The following DCC variants were observed in gnomAD, a reference collection of about 807,000 sequenced individuals.
DCC encodes the protein DCC netrin 1 receptor.
In DCC, 58 loss-of-function variants were observed where a neutral mutation model predicts 172.5. The observed-to-expected ratio is 0.34, with a 90% CI of 0.27 to 0.42. DCC has a LOEUF of 0.42. Ranked by LOEUF, DCC falls within the 10% of genes least tolerant of loss-of-function variation. DCC has a pLI of 1.00. For synonymous variants in DCC, 709 were observed against 644.5 expected, an observed-to-expected ratio of 1.10 and a Z score of -1.52; for missense variants, 1,740 against 1,791.0, an observed-to-expected ratio of 0.97 and a Z score of 0.51.
At chr18:52,478,811 AT>A (rs1459200794) in intron 1 of DCC, among the ~76,000 whole-genome samples, 1 of 152,162 alleles carries the variant, frequency 6.6e-6, no homozygotes, top group Non-Finnish European at 1.5e-5. Flanking sequence ...TAAAGCACTC[AT>A]GAGAAATCCA....
intron 8 of DCC, among the ~76,000 whole-genome samples, chr18:53,173,032 C>A (rs1232354831): frequency 2.6e-5 from 4 of 152,026 alleles, no homozygotes; most frequent in Non-Finnish European, 5.9e-5. Context: ...TCTGCTAAAA[C>A]AAAAATAAGC....
At chr18:53,323,059 A>T (rs2057430521) in intron 14 of DCC, among the ~76,000 whole-genome samples, 1 of 152,118 alleles carries the variant, frequency 6.6e-6, no homozygotes, top group South Asian at 2.1e-4. Context: ...CTAACAATGA[A>T]ATTCTCTTAC....
chr18:53,207,537 CAAGGTAGGTTTTA>C (rs2055672487), intron 10 of DCC, 129 bp from the exon 11 acceptor site: 1 of 762,528 alleles, frequency 1.3e-6, no homozygotes, highest in Admixed American at 2.2e-5. Context: ...GTCTGTGTCA[CAAGGTAGGTTTTA>C]TAGCTCATTA....
intron 2 of DCC, among the ~76,000 whole-genome samples, chr18:52,757,809 ACCC>A (rs2037099312): frequency 6.6e-6 from 1 of 152,140 alleles, no homozygotes; most frequent in Non-Finnish European, 1.5e-5. Flanking sequence ...TGATTTAAGT[ACCC>A]AAATTGACAG....
intron 1 of DCC, among the ~76,000 whole-genome samples, chr18:52,610,603 C>T (rs1179149247): frequency 6.6e-6 from 1 of 151,358 alleles, no homozygotes; most frequent in Non-Finnish European, 1.5e-5. Context: ...TGACATGGAC[C>T]CCTCTACACA....
At chr18:52,631,331 G>A (rs1214027475) in intron 1 of DCC, among the ~76,000 whole-genome samples, 2 of 152,194 alleles carry the variant, frequency 1.3e-5, no homozygotes, top group Non-Finnish European at 1.5e-5. Context: ...AAAAAGCTTA[G>A]AGGAAAGATG....
chr18:53,187,313 G>A (rs557627141), intron 9 of DCC, among the ~76,000 whole-genome samples: 7 of 151,662 alleles, frequency 4.6e-5, no homozygotes, highest in Admixed American at 6.6e-5. Context: ...TAGTAGAGAC[G>A]GGGTTTCACT....
At chr18:52,987,890 A>G (rs961711797) in intron 5 of DCC, among the ~76,000 whole-genome samples, 1 of 152,326 alleles carries the variant, frequency 6.6e-6, no homozygotes, top group East Asian at 1.9e-4. Flanking sequence ...CCTTAACCTA[A>G]TGCATTTCAT....
intron 1 of DCC, among the ~76,000 whole-genome samples, chr18:52,617,879 A>C (rs190387886): frequency 1.3e-5 from 2 of 152,198 alleles, no homozygotes; most frequent in African/African-American, 4.8e-5. Context: ...CATTTTGAAA[A>C]GCTGCCTGCC....
chr18:52,926,920 T>TATATACACACAC (rs1165385203), intron 5 of DCC, among the ~76,000 whole-genome samples: 4 of 107,962 alleles, frequency 3.7e-5, no homozygotes, highest in Admixed American at 1.7e-4. Flanking sequence ...TACGTATACA[T>TATATACACACAC]ATATATGTAT....
At chr18:53,157,121 T>C (rs935124120) in intron 7 of DCC, among the ~76,000 whole-genome samples, 3 of 152,202 alleles carry the variant, frequency 2.0e-5, no homozygotes, top group Admixed American at 2.0e-4. Context: ...TAATAGAAAT[T>C]GGACATTTAA....
At chr18:52,501,890 T>C (rs1255324734) in intron 1 of DCC, among the ~76,000 whole-genome samples, 1 of 152,180 alleles carries the variant, frequency 6.6e-6, no homozygotes, top group Non-Finnish European at 1.5e-5. Context: ...GTGGGCAGTC[T>C]CTGGTATCCT....
At chr18:53,412,032 T>C (rs1259837102) in intron 20 of DCC, among the ~76,000 whole-genome samples, 1 of 152,260 alleles carries the variant, frequency 6.6e-6, no homozygotes, top group East Asian at 1.9e-4. Context: ...CCAAATGTGT[T>C]AAACAGCAGA....
intron 9 of DCC, among the ~76,000 whole-genome samples, chr18:53,181,651 T>A (rs555954449): frequency 1.1e-4 from 16 of 152,212 alleles, no homozygotes; most frequent in Non-Finnish European, 2.2e-4. Context: ...TTCATAAGTA[T>A]GTTTAATAAA....
chr18:52,628,300 T>C (rs765977431), intron 1 of DCC, among the ~76,000 whole-genome samples: 6 of 152,174 alleles, frequency 3.9e-5, no homozygotes, highest in Non-Finnish European at 8.8e-5. Flanking sequence ...TCAAACATAA[T>C]TATGACCATT....
At chr18:53,296,546 G>A (rs1234489613) in intron 12 of DCC, among the ~76,000 whole-genome samples, 2 of 152,170 alleles carry the variant, frequency 1.3e-5, no homozygotes, top group African/African-American at 4.8e-5. Flanking sequence ...AGATGGGTGT[G>A]AGCAGTGTGA....
chr18:52,980,416 G>T (rs1421466871), intron 5 of DCC, among the ~76,000 whole-genome samples: 1 of 151,970 alleles, frequency 6.6e-6, no homozygotes, highest in African/African-American at 2.4e-5. Flanking sequence ...TCAGGGTCCG[G>T]TTATCTAGAC....
chr18:52,637,761 A>G (rs894818678), intron 1 of DCC, among the ~76,000 whole-genome samples: 2 of 152,208 alleles, frequency 1.3e-5, no homozygotes, highest in African/African-American at 4.8e-5. Flanking sequence ...TAATAGAGGA[A>G]AACTTCCCCA....
At chr18:52,656,959 CTT>C (rs1050864992) in intron 1 of DCC, among the ~76,000 whole-genome samples, 3 of 152,066 alleles carry the variant, frequency 2.0e-5, no homozygotes, top group African/African-American at 7.2e-5. Flanking sequence ...TATTGTGACT[CTT>C]TTCTGGGGAG....
Sources: allele counts gnomAD v4.1 joint callset (sites outside exome capture counted in the v4.1 genomes callset), GRCh38; gene constraint gnomAD v4.1.1; transcripts MANE v1.5; gene names NCBI Gene and HGNC (gene_info 2026-07-23, HGNC 2026-07-21).